Variants in BMPR1B observed in about 807,000 individuals in gnomAD.
BMPR1B encodes the protein bone morphogenetic protein receptor type 1B.
BMPR1B carries 12 observed loss-of-function variants against 59.1 expected under a neutral mutation model. The ratio of observed to expected loss-of-function variants is 0.20; its 90% CI spans 0.13 to 0.33. The LOEUF (loss-of-function observed/expected upper bound fraction) is 0.33. Ranked by LOEUF, BMPR1B falls within the 10% of genes least tolerant of loss-of-function variation. The pLI, the probability that BMPR1B is intolerant of heterozygous loss-of-function variation, is 1.00. For missense variants in BMPR1B, 550 were observed against 610.9 expected (o/e 0.90, Z 1.05); for synonymous variants, 237 against 207.3 (o/e 1.14, Z -1.23).
intron 1 of BMPR1B, among the ~76,000 whole-genome samples, chr4:94,870,085 A>C (rs564168041): frequency 2.1e-4 from 32 of 152,346 alleles, no homozygotes; most frequent in African/African-American, 7.5e-4. Context: ...TTATGTTCTA[A>C]ATGGCCTTTT....
chr4:95,016,242 A>G (rs1336136796), intron 3 of BMPR1B, among the ~76,000 whole-genome samples: 2 of 152,198 alleles, frequency 1.3e-5, no homozygotes, highest in East Asian at 3.8e-4. Context: ...ATTGGTCCAG[A>G]TATTACAAGT....
Position 95,148,899 on chromosome 4 carries a change from G to A in BMPR1B, c.1228G>A (p.Val410Ile). The A allele has an allele frequency of 6.2e-7, 1 of 1,614,000 alleles. No individual in the cohort carries two copies. The highest frequency in any genetic ancestry group is 8.5e-7 in the Non-Finnish European group (1 of 1,179,910). The change falls in exon 11 of 13, where the codon GTT (valine) becomes ATT (isoleucine). Residue 410 changes from valine to isoleucine, a missense_variant. By Grantham distance (29) the Val-to-Ile change is conservative (BLOSUM62 3). This residue lies in a region of BMPR1B where 123 missense variants were observed against 164.6 expected (regional missense o/e 0.75). Coordinates refer to ENST00000515059, the MANE Select transcript of BMPR1B (RefSeq NM_001203.3). ...MYSFGLILWE[V>I]ARRCVSGGIV... The stretch of plus-strand genomic sequence containing the variant: ...TAGTTTTGGCCTCATCCTTTGGGAG[G>A]TTGCTAGGAGATGTGTATCAGGAGG...
At chr4:94,799,782 C>T (rs1282786536) in intron 1 of BMPR1B, among the ~76,000 whole-genome samples, 1 of 151,908 alleles carries the variant, frequency 6.6e-6, no homozygotes, top group Non-Finnish European at 1.5e-5. Flanking sequence ...CCTGTGCCTC[C>T]TGGGTTCAAG....
intron 1 of BMPR1B, among the ~76,000 whole-genome samples, chr4:94,787,803 AAT>A (rs1722816572): frequency 9.6e-6 from 1 of 104,292 alleles, no homozygotes; most frequent in Non-Finnish European, 2.1e-5. Context: ...TTGCAATATC[AAT>A]GTGGTAACCC....
chr4:95,104,218 AT>A, intron 3 of BMPR1B, 189 bp from the exon 4 acceptor site: 1 of 633,648 alleles, frequency 1.6e-6, no homozygotes, highest in Non-Finnish European at 2.7e-6. Context: ...GTCTTTCTTT[AT>A]TCTGTATGAG....
At chr4:95,051,769 A>G in intron 3 of BMPR1B, 1 of 1,535,448 alleles carries the variant, frequency 6.5e-7, no homozygotes, top group East Asian at 2.4e-5. Context: ...TATGCACACA[A>G]GGGGTAAGAA....
intron 1 of BMPR1B, among the ~76,000 whole-genome samples, chr4:94,810,453 TG>T (rs1241048465): frequency 6.6e-6 from 1 of 152,166 alleles, no homozygotes; most frequent in Admixed American, 6.5e-5. Flanking sequence ...AAAAAATCGG[TG>T]CAAGGGGAGA....
chr4:94,896,936 T>A (rs1028950974), intron 2 of BMPR1B, among the ~76,000 whole-genome samples: 4 of 152,084 alleles, frequency 2.6e-5, no homozygotes, highest in African/African-American at 9.7e-5. Flanking sequence ...TTATGATTAC[T>A]GTATGTTTAG....
chr4:94,906,262 A>G (rs1387010137), intron 2 of BMPR1B, among the ~76,000 whole-genome samples: 1 of 152,086 alleles, frequency 6.6e-6, no homozygotes, highest in South Asian at 2.1e-4. Flanking sequence ...CTGTATGGGT[A>G]CATGCCTTGA....
At chr4:95,064,304 G>A (rs763511278) in intron 3 of BMPR1B, among the ~76,000 whole-genome samples, 13 of 152,226 alleles carry the variant, frequency 8.5e-5, no homozygotes, top group Admixed American at 3.9e-4. Flanking sequence ...GAAGTGAGCA[G>A]TTGGCAAGTG....
At chr4:94,825,569 C>A (rs930019457) in intron 1 of BMPR1B, among the ~76,000 whole-genome samples, 1 of 151,948 alleles carries the variant, frequency 6.6e-6, no homozygotes, top group Non-Finnish European at 1.5e-5. Flanking sequence ...TGGGAAAAAA[C>A]CTTTCCCAGA....
intron 3 of BMPR1B, among the ~76,000 whole-genome samples, chr4:95,003,684 A>G (rs566651582): frequency 2.6e-4 from 39 of 151,406 alleles, no homozygotes; most frequent in South Asian, 4.2e-4. Flanking sequence ...ACTTATTTCT[A>G]TTTCCTCTTT....
chr4:94,909,730 A>G (rs1179583841), intron 2 of BMPR1B, among the ~76,000 whole-genome samples: 1 of 152,062 alleles, frequency 6.6e-6, no homozygotes, highest in South Asian at 2.1e-4. Context: ...TACAAGAGTT[A>G]TACTATGGTA....
chr4:95,007,146 A>G (rs1206227367), intron 3 of BMPR1B, among the ~76,000 whole-genome samples: 1 of 152,154 alleles, frequency 6.6e-6, no homozygotes, highest in Non-Finnish European at 1.5e-5. Flanking sequence ...AACAGCAACA[A>G]TACTTATGAA....
chr4:94,861,543 A>C (rs1725977004), intron 1 of BMPR1B, among the ~76,000 whole-genome samples: 1 of 151,906 alleles, frequency 6.6e-6, no homozygotes, highest in African/African-American at 2.4e-5. Context: ...CTATTAGTGA[A>C]GATCCAGGTC....
intron 3 of BMPR1B, among the ~76,000 whole-genome samples, chr4:95,074,626 A>T (rs1296174105): frequency 6.6e-6 from 1 of 152,130 alleles, no homozygotes; most frequent in African/African-American, 2.4e-5. Context: ...CTAATATGAT[A>T]CAAATAATAT....
intron 3 of BMPR1B, among the ~76,000 whole-genome samples, chr4:94,997,350 A>G (rs545783706): frequency 1.3e-4 from 20 of 152,324 alleles, no homozygotes; most frequent in Non-Finnish European, 2.2e-4. Flanking sequence ...ATTTTGTGTT[A>G]GGGCTGAAAT....
intron 3 of BMPR1B, among the ~76,000 whole-genome samples, chr4:95,008,676 T>A (rs1723018201): frequency 6.6e-6 from 1 of 151,754 alleles, no homozygotes; most frequent in Non-Finnish European, 1.5e-5. Flanking sequence ...AACATTAAAA[T>A]GAAAAATCAA....
chr4:94,989,175 G>A (rs1036715525), intron 2 of BMPR1B, among the ~76,000 whole-genome samples: 1 of 152,056 alleles, frequency 6.6e-6, no homozygotes, highest in Non-Finnish European at 1.5e-5. Context: ...TGGATCACGA[G>A]GTGAAGAGAT....
Sources: gnomAD v4.1 joint callset for allele counts (sites outside exome capture counted in the v4.1 genomes callset) on GRCh38, gnomAD v4.1.1 for gene constraint, gnomAD v4.1.1 regional missense constraint, MANE v1.5 for transcripts, NCBI Gene and HGNC (gene_info 2026-07-23, HGNC 2026-07-21) for gene names.